TMEM132D: variants seen among roughly 807,000 people sequenced by gnomAD.
The protein encoded by TMEM132D is transmembrane protein 132D.
A neutral mutation model predicts 62.3 loss-of-function variants in TMEM132D; 21 were observed. That is an observed-to-expected ratio of 0.34 (90% confidence interval 0.24 to 0.49). The LOEUF is 0.49. TMEM132D is among the 20% of genes least tolerant of loss of function. The pLI is 0.99. For synonymous variants in TMEM132D, 621 were observed against 575.6 expected, an observed-to-expected ratio of 1.08 and a Z score of -1.13; for missense variants, 1,346 against 1,402.8, an observed-to-expected ratio of 0.96 and a Z score of 0.65.
At chr12:129,297,107 G>C (rs963910044) in intron 4 of TMEM132D, among the ~76,000 whole-genome samples, 1 of 152,192 alleles carries the variant, frequency 6.6e-6, no homozygotes, top group African/African-American at 2.4e-5. Flanking sequence ...GGACAGCCTG[G>C]ACACGCAGGG....
intron 1 of TMEM132D, among the ~76,000 whole-genome samples, chr12:129,747,246 G>A (rs933238008): frequency 9.8e-5 from 3 of 30,468 alleles, no homozygotes; most frequent in South Asian, 1.6e-3. Flanking sequence ...ACAGTGACCC[G>A]GGCGGGGCAG....
At chr12:129,105,345 A>T (rs1221260058) in intron 5 of TMEM132D, among the ~76,000 whole-genome samples, 1 of 139,904 alleles carries the variant, frequency 7.1e-6, no homozygotes, top group Non-Finnish European at 1.5e-5. Flanking sequence ...TTGAACAATG[A>T]GAACACATGG....
chr12:129,463,465 T>TGTATTATTA lies in TMEM132D; in HGVS notation c.1115+67593_1115+67594insTAATAATAC, dbSNP rs1469195752. 8.2e-3 allele frequency among the ~76,000 whole-genome samples: 731 copies of TGTATTATTA among 89,648 alleles called. 5 individuals carry two copies. The highest frequency in any genetic ancestry group is 0.021 in the African/African-American group (698 of 33,268). The allele number at this position is 89,648 out of a possible 152,430, so 58.8% of individuals were successfully genotyped here. A position where few individuals can be genotyped will look rare whatever the true frequency, so the allele number is the denominator to read the frequency against. On this transcript the variant is annotated intron_variant, in intron 3 of 8. Transcript: ENST00000422113. Reference sequence around the variant, plus strand: ...ATTTATTTATTTATTTATTTATTTATTTATGTATTATTATTATTATTATTA... The same window carrying TGTATTATTA: ...ATTTATTTATTTATTTATTTATTTATGTATTATTATTATGTATTATTATTATTATTATTA...
chr12:129,360,590 C>T (rs1300882828), intron 3 of TMEM132D, among the ~76,000 whole-genome samples: 1 of 152,138 alleles, frequency 6.6e-6, no homozygotes, highest in Non-Finnish European at 1.5e-5. Context: ...CACCCACCTT[C>T]CATCTGATCA....
chr12:129,295,484 G>GATCTTGCC (rs1881552341), intron 4 of TMEM132D, among the ~76,000 whole-genome samples: 3 of 145,644 alleles, frequency 2.1e-5, no homozygotes, highest in Admixed American at 7.0e-5. Flanking sequence ...AGGCTGGAGT[G>GATCTTGCC]CAGTGGCGTG....
intron 1 of TMEM132D, among the ~76,000 whole-genome samples, chr12:129,704,398 G>C (rs148846749): frequency 1.3e-5 from 2 of 152,342 alleles, no homozygotes; most frequent in East Asian, 3.9e-4. Flanking sequence ...GCCATCAGCT[G>C]AATCAGAGAC....
chr12:129,898,112 C>T (rs573776543), intron 1 of TMEM132D, among the ~76,000 whole-genome samples: 1 of 152,330 alleles, frequency 6.6e-6, no homozygotes, highest in Non-Finnish European at 1.5e-5. Context: ...CCGCACAGTG[C>T]CTGCCATACA....
At chr12:129,429,091 C>T (rs2135714897) in intron 3 of TMEM132D, among the ~76,000 whole-genome samples, 1 of 152,024 alleles carries the variant, frequency 6.6e-6, no homozygotes, top group East Asian at 1.9e-4. Context: ...AAGTTACTCA[C>T]TGTAGTCCAA....
At chr12:129,798,006 A>G (rs1236809297) in intron 1 of TMEM132D, among the ~76,000 whole-genome samples, 1 of 152,156 alleles carries the variant, frequency 6.6e-6, no homozygotes, top group African/African-American at 2.4e-5. Flanking sequence ...GCCATCCTCA[A>G]AATAGTGAAT....
chr12:129,641,476 G>A (rs1406210291), intron 2 of TMEM132D, among the ~76,000 whole-genome samples: 4 of 152,182 alleles, frequency 2.6e-5, no homozygotes, highest in African/African-American at 9.7e-5. Flanking sequence ...GAAAGCAACA[G>A]AAGGCTGCCA....
intron 2 of TMEM132D, among the ~76,000 whole-genome samples, chr12:129,604,516 G>A (rs139228410): frequency 3.1e-4 from 47 of 152,250 alleles, no homozygotes; most frequent in Middle Eastern, 3.4e-3. Context: ...CAAGGAGCAC[G>A]AGCGTTGGAT....
chr12:129,531,232 G>A lies in TMEM132D; in HGVS notation c.969-27C>T, dbSNP rs377528242. ...TGTTGGAGACAGCACGTGTGGGTCT[G>A]AGTCAGCTCTGGGGAATCCCCGGGT... On this transcript the variant is annotated intron_variant, in intron 2 of 8. Coordinates refer to ENST00000422113, the MANE Select transcript of TMEM132D (RefSeq NM_133448.3). 130 of 1,589,560 alleles carry A rather than the reference G, an allele frequency of 8.2e-5. No homozygotes were observed. The African/African-American group carries it at 1.6e-3, about 20-fold the overall frequency.
chr12:129,754,842 AACTTAC>A (rs1870113835), intron 1 of TMEM132D, among the ~76,000 whole-genome samples: 1 of 152,184 alleles, frequency 6.6e-6, no homozygotes, highest in Admixed American at 6.5e-5. Flanking sequence ...AAAACATTTC[AACTTAC>A]ACTTACATAG....
chr12:129,540,313 C>T (rs78953827), intron 2 of TMEM132D, among the ~76,000 whole-genome samples: 1 of 151,964 alleles, frequency 6.6e-6, no homozygotes, highest in Non-Finnish European at 1.5e-5. Context: ...TGTGCCAGTG[C>T]GATGGACAGG....
At chr12:129,353,042 T>C (rs1159532357) in intron 3 of TMEM132D, among the ~76,000 whole-genome samples, 1 of 152,174 alleles carries the variant, frequency 6.6e-6, no homozygotes, top group African/African-American at 2.4e-5. Flanking sequence ...GGGGTCTGGA[T>C]TGGGACCTCT....
rs143627632 is a variant in TMEM132D at position 129,694,999 on chromosome 12, C to T, written c.968+4811G>A. Reference sequence around the variant, plus strand: ...CTCCACCCTGGGTGACAGAGTGAGACTCCGTCTCAAAAAAATAAAAAATAA... The same window carrying T: ...CTCCACCCTGGGTGACAGAGTGAGATTCCGTCTCAAAAAAATAAAAAATAA... On this transcript the variant is annotated intron_variant, in intron 2 of 8. Coordinates refer to ENST00000422113, the MANE Select transcript of TMEM132D (RefSeq NM_133448.3). 2.5e-3 allele frequency among the ~76,000 whole-genome samples: 373 copies of T among 152,200 alleles called. 3 individuals carry two copies. Among genetic ancestry groups the T allele is most frequent in the African/African-American group, 8.7e-3 (359 of 41,502 alleles).
At chr12:129,142,156 T>G (rs1405199045) in intron 5 of TMEM132D, among the ~76,000 whole-genome samples, 2 of 152,104 alleles carry the variant, frequency 1.3e-5, no homozygotes, top group Admixed American at 6.5e-5. Context: ...CCCTTCCATG[T>G]GAGTATACCG....
chr12:129,429,172 T>TA (rs1566065693), intron 3 of TMEM132D, among the ~76,000 whole-genome samples: 40 of 149,788 alleles, frequency 2.7e-4, no homozygotes, highest in Non-Finnish European at 3.4e-4. Flanking sequence ...TCCTTCAAGT[T>TA]CCTCACTGTA....
At chr12:129,271,229 C>T (rs983895672) in intron 4 of TMEM132D, among the ~76,000 whole-genome samples, 2 of 149,250 alleles carry the variant, frequency 1.3e-5, no homozygotes, top group Non-Finnish European at 1.5e-5. Context: ...ACCTTGCTGC[C>T]GGAAGACTGG....
Sources: allele counts gnomAD v4.1 joint callset (sites outside exome capture counted in the v4.1 genomes callset), GRCh38; gene constraint gnomAD v4.1.1; transcripts MANE v1.5; gene names NCBI Gene and HGNC (gene_info 2026-07-23, HGNC 2026-07-21).